TTC17: variants seen among roughly 807,000 people sequenced by gnomAD.
TTC17 encodes tetratricopeptide repeat domain 17.
TTC17 carries 58 observed loss-of-function variants against 143.8 expected under a neutral mutation model. The observed-to-expected ratio is 0.40, with a 90% CI of 0.33 to 0.50. TTC17 has a LOEUF of 0.50. Ranked by LOEUF, TTC17 falls within the 20% of genes least tolerant of loss-of-function variation. TTC17 has a pLI of 0.49. For synonymous variants in TTC17, 501 were observed against 497.8 expected (o/e 1.01, Z -0.09); for missense variants, 1,273 against 1,392.5 (o/e 0.91, Z 1.37).
At chr11:43,381,862 G>A (rs1856981055) in intron 2 of TTC17, among the ~76,000 whole-genome samples, 1 of 152,202 alleles carries the variant, frequency 6.6e-6, no homozygotes, top group Non-Finnish European at 1.5e-5. Context: ...GGCTGAGGTT[G>A]ATATTAGCTG....
rs76401798 is a variant in TTC17 at position 43,455,428 on chromosome 11, G to A, written c.3030+4163G>A. On this transcript the variant is annotated intron_variant, in intron 21 of 23. Coordinates refer to ENST00000039989, the MANE Select transcript of TTC17 (RefSeq NM_018259.6). ...AACAATGCATCCAAAAGTTGAGTTT[G>A]AGGTATATATCAATAAAATGGATAC... Among the ~76,000 whole-genome samples, 780 of 152,092 alleles carry A rather than the reference G, an allele frequency of 5.1e-3. 9 individuals carry two copies. Among genetic ancestry groups the A allele is most frequent in the African/African-American group, 0.018 (745 of 41,540 alleles).
intron 21 of TTC17, among the ~76,000 whole-genome samples, chr11:43,460,024 CTG>C: frequency 6.6e-6 from 1 of 152,206 alleles, no homozygotes; most frequent in Admixed American, 6.5e-5. Context: ...CAGGGAGCAT[CTG>C]TAGTAGTAAC....
chr11:43,407,505 T>C lies in TTC17; in HGVS notation c.1992T>C (p.Leu664=). The part of the protein sequence containing the change: ...QDVPLVNLAN[L]LIHYGLHLDA... ...TTCCTCTTGTCAACTTGGCCAACCT[T>C]TTGATTCATTACGGCCTTCATCTTG... The change falls in exon 15 of 24, where the codon CTT becomes CTC. Residue 664 remains leucine, a synonymous_variant. Coordinates refer to ENST00000039989, the MANE Select transcript of TTC17 (RefSeq NM_018259.6). 1 of 1,614,046 alleles carries C rather than the reference T, an allele frequency of 6.2e-7. No homozygotes were observed. The highest frequency in any genetic ancestry group is 8.5e-7 in the Non-Finnish European group (1 of 1,179,978).
At chr11:43,488,123 T>C (rs1459063528) in intron 21 of TTC17, among the ~76,000 whole-genome samples, 1 of 152,128 alleles carries the variant, frequency 6.6e-6, no homozygotes, top group Non-Finnish European at 1.5e-5. Context: ...GAGGAAACTA[T>C]TAGAAGATGA....
chr11:43,389,007 G>A (rs1391631223), intron 2 of TTC17, among the ~76,000 whole-genome samples: 2 of 151,262 alleles, frequency 1.3e-5, no homozygotes, highest in Non-Finnish European at 2.9e-5. Flanking sequence ...GGGCATGTGG[G>A]ACATGCCTGT....
intron 21 of TTC17, among the ~76,000 whole-genome samples, chr11:43,458,385 T>G (rs1410599785): frequency 6.6e-6 from 1 of 152,112 alleles, no homozygotes; most frequent in Non-Finnish European, 1.5e-5. Flanking sequence ...GGTCAGGGCT[T>G]CAGAAGGGTG....
chr11:43,401,572 T>C lies in TTC17; in HGVS notation c.1332+14T>C. On this transcript the variant is annotated intron_variant, in intron 10 of 23. Coordinates refer to ENST00000039989, the MANE Select transcript of TTC17 (RefSeq NM_018259.6). ...GACTATGTTCAGGTCTTTTTCTTGG[T>C]CCAGTCTAATTCTTATAAACGTTTG... The C allele has an allele frequency of 2.6e-6, 4 of 1,548,040 alleles. No individual in the cohort carries two copies. The highest frequency in any genetic ancestry group is 3.5e-6 in the Non-Finnish European group (4 of 1,131,984).
intron 15 of TTC17, among the ~76,000 whole-genome samples, chr11:43,411,617 T>C (rs1349108340): frequency 6.6e-6 from 1 of 152,224 alleles, no homozygotes; most frequent in Non-Finnish European, 1.5e-5. Flanking sequence ...ACTTATTTTT[T>C]CGTTCAAGGG....
intron 16 of TTC17, among the ~76,000 whole-genome samples, chr11:43,434,128 T>G (rs78595316): frequency 0.059 from 8,815 of 150,602 alleles, 282 homozygotes; most frequent in African/African-American, 0.094. Flanking sequence ...GCAACTACCA[T>G]TGCTCATGGC....
chr11:43,436,454 A>C, intron 16 of TTC17: 1 of 925,816 alleles, frequency 1.1e-6, no homozygotes, highest in Non-Finnish European at 1.4e-6. Flanking sequence ...ATATTGTAGC[A>C]TCATGAGGGT....
chr11:43,409,207 T>G (rs1858288495), intron 15 of TTC17, among the ~76,000 whole-genome samples: 1 of 152,238 alleles, frequency 6.6e-6, no homozygotes, highest in South Asian at 2.1e-4. Context: ...TAAATGGTTG[T>G]ATAAAGGACC....
At chr11:43,412,440 G>C (rs1031672965) in intron 15 of TTC17, among the ~76,000 whole-genome samples, 1 of 152,140 alleles carries the variant, frequency 6.6e-6, no homozygotes, top group African/African-American at 2.4e-5. Flanking sequence ...CTGGGCAACA[G>C]AATGAGACCT....
At chr11:43,402,338 A>G (rs1857901770) in intron 10 of TTC17, among the ~76,000 whole-genome samples, 2 of 152,180 alleles carry the variant, frequency 1.3e-5, no homozygotes, top group Non-Finnish European at 2.9e-5. Flanking sequence ...CTCAACCAAT[A>G]CCACCAACAA....
intron 1 of TTC17, chr11:43,370,011 T>G: frequency 2.3e-6 from 1 of 442,444 alleles, no homozygotes; most frequent in South Asian, 1.6e-5. Flanking sequence ...TATAATAGTT[T>G]TCTCAATCTC....
intron 1 of TTC17, 23 bp from the exon 2 acceptor site, chr11:43,379,206 CTTTA>C: frequency 6.3e-7 from 1 of 1,596,446 alleles, no homozygotes; most frequent in Non-Finnish European, 8.6e-7. Context: ...GAAATCCGAG[CTTTA>C]TTTATTTATT....
intron 16 of TTC17, among the ~76,000 whole-genome samples, chr11:43,441,329 A>G (rs1350326739): frequency 6.6e-6 from 1 of 150,708 alleles, no homozygotes; most frequent in Non-Finnish European, 1.5e-5. Context: ...CTCTACTCTT[A>G]TCTGTTTAAA....
At chr11:43,474,406 A>T (rs1106640) in intron 21 of TTC17, among the ~76,000 whole-genome samples, 1 of 152,236 alleles carries the variant, frequency 6.6e-6, no homozygotes, top group South Asian at 2.1e-4. Context: ...ATGGTTTTCC[A>T]TAGAGGAAAG....
Position 43,414,760 on chromosome 11 carries a change from T to C in TTC17, c.2235T>C (p.Thr745=), listed in dbSNP as rs1279623223. 1 of 1,613,148 alleles carries C rather than the reference T, an allele frequency of 6.2e-7. No individual in the cohort carries two copies. ...MQFYPFLYNI[T]SSVCSGTVVE... is the part of the protein sequence containing the mutation. ...TTTATCCTTTTCTGTACAACATCAC[T>C]TCTTCTGTTTGCAGTGGTAAGCAGC... The change falls in exon 16 of 24, where the codon ACT becomes ACC. Residue 745 remains threonine (T), a synonymous_variant. Coordinates refer to ENST00000039989, the MANE Select transcript of TTC17 (RefSeq NM_018259.6).
chr11:43,434,350 G>T (rs1314604382), intron 16 of TTC17, among the ~76,000 whole-genome samples: 1 of 152,142 alleles, frequency 6.6e-6, no homozygotes, highest in Non-Finnish European at 1.5e-5. Flanking sequence ...TCCTGTGCCT[G>T]TTGCTTTGCC....
Sources: gnomAD v4.1 joint callset for allele counts (sites outside exome capture counted in the v4.1 genomes callset) on GRCh38, gnomAD v4.1.1 for gene constraint, MANE v1.5 for transcripts, NCBI Gene and HGNC (gene_info 2026-07-23, HGNC 2026-07-21) for gene names.